Variants in LIMS1 observed in about 807,000 individuals in gnomAD.
The protein encoded by LIMS1 is LIM zinc finger domain containing 1.
A neutral mutation model predicts 44.1 loss-of-function variants in LIMS1; 18 were observed. The ratio of observed to expected loss-of-function variants is 0.41; its 90% CI spans 0.28 to 0.61. The LOEUF is 0.61. Ranked by LOEUF, LIMS1 falls within the 20% of genes least tolerant of loss-of-function variation. The probability of loss-of-function intolerance (pLI) is 0.32; values close to 1 mark genes in which losing one functional copy is unlikely to be tolerated. For synonymous variants in LIMS1, 93 were observed against 149.1 expected (o/e 0.62, Z 2.74); for missense variants, 201 against 422.0 (o/e 0.48, Z 4.59).
chr2:108,644,771 C>A (rs111716019), intron 1 of LIMS1, among the ~76,000 whole-genome samples: 11,134 of 151,868 alleles, frequency 0.073, 507 homozygotes, highest in Non-Finnish European at 0.078. Flanking sequence ...AGATGAATTG[C>A]TAACTAGAAT....
At chr2:108,677,288 A>G (rs547550432) in intron 7 of LIMS1, 3 of 152,572 alleles carry the variant, frequency 2.0e-5, no homozygotes, top group African/African-American at 7.2e-5. Context: ...CCCCTTTTTA[A>G]TAGACTACTT....
intron 9 of LIMS1, among the ~76,000 whole-genome samples, chr2:108,682,190 A>G (rs1003953738): frequency 6.6e-6 from 1 of 152,086 alleles, no homozygotes; most frequent in Non-Finnish European, 1.5e-5. Flanking sequence ...GTTTCCTTCT[A>G]TAAAGAGGAA....
At chr2:108,596,717 G>GGA (rs1171301712) in intron 1 of LIMS1, among the ~76,000 whole-genome samples, 1 of 152,224 alleles carries the variant, frequency 6.6e-6, no homozygotes, top group African/African-American at 2.4e-5. Context: ...CAGCTACTCA[G>GGA]GAGGCTGAAG....
chr2:108,619,304 G>T lies in LIMS1; in HGVS notation c.33-40301G>T, dbSNP rs372462777. ...TTGATTTGTGTTTTATTCATTAGGC[G>T]TCTATTCTGTGTTGATGGTGGGGGA... On this transcript the variant is annotated intron_variant, in intron 1 of 9. Coordinates refer to ENST00000544547, the Ensembl canonical transcript of LIMS1. 7.3e-5 allele frequency among the ~76,000 whole-genome samples: 11 copies of T among 151,218 alleles called. 1 individual carries two copies. In the East Asian group the frequency reaches 1.5e-3, roughly 21 times the overall value.
rs1459762323 is a variant in LIMS1 at position 108,596,923 on chromosome 2, T to G, written c.32+62329T>G. ...TTCCCTACGAAACATCTGTTTTTTT[T>G]TTTTTTTTTTTTTTTGAGTCTTGCT... On this transcript the variant is annotated intron_variant, in intron 1 of 9. Transcript: ENST00000544547. 2.8e-5 allele frequency among the ~76,000 whole-genome samples: 4 copies of G among 140,780 alleles called. 1 individual carries two copies. Among genetic ancestry groups the G allele is most frequent in the African/African-American group, 1.1e-4 (4 of 37,882 alleles). 92.4% of individuals were successfully genotyped at this position (140,780 alleles called of 152,430 possible). A position where few individuals can be genotyped will look rare whatever the true frequency, so the allele number is the denominator to read the frequency against.
intron 1 of LIMS1, among the ~76,000 whole-genome samples, chr2:108,592,888 C>A (rs1686479540): frequency 6.6e-6 from 1 of 152,100 alleles, no homozygotes; most frequent in Non-Finnish European, 1.5e-5. Context: ...AAATGTTCCC[C>A]TTTTTATTGT....
At chr2:108,557,836 AAAGATTT>A (rs1359226274) in intron 1 of LIMS1, among the ~76,000 whole-genome samples, 2 of 152,210 alleles carry the variant, frequency 1.3e-5, no homozygotes, top group African/African-American at 2.4e-5. Context: ...GTAAAGTTTC[AAAGATTT>A]AAGTGAACAT....
intron 1 of LIMS1, among the ~76,000 whole-genome samples, chr2:108,599,219 T>C (rs1038952305): frequency 3.3e-5 from 5 of 152,184 alleles, no homozygotes; most frequent in African/African-American, 9.7e-5. Context: ...GGTAATCATC[T>C]TTCTACTCTC....
chr2:108,649,833 G>A (rs1340704843), intron 1 of LIMS1, among the ~76,000 whole-genome samples: 1 of 152,140 alleles, frequency 6.6e-6, no homozygotes, highest in East Asian at 1.9e-4. Context: ...TGGGGGATAG[G>A]GGAGGGATAG....
intron 1 of LIMS1, chr2:108,655,336 C>T: frequency 1.9e-6 from 1 of 522,648 alleles, no homozygotes; most frequent in South Asian, 2.1e-5. Flanking sequence ...CCTGAGCTGG[C>T]CCATACAATT....
chr2:108,597,824 C>G lies in LIMS1; in HGVS notation c.33-61781C>G, dbSNP rs199608533. On this transcript the variant is annotated intron_variant, in intron 1 of 9. Coordinates refer to ENST00000544547, the Ensembl canonical transcript of LIMS1. Reference sequence around the variant, plus strand: ...TCTCCTGCCTCAGCCTCCCGAATAGCTGGGATTACAGGCGCCCGCTGCCAC... The same window carrying G: ...TCTCCTGCCTCAGCCTCCCGAATAGGTGGGATTACAGGCGCCCGCTGCCAC... Among the ~76,000 whole-genome samples, 8 of 151,520 alleles carry G rather than the reference C, an allele frequency of 5.3e-5. No individual in the cohort carries two copies. In the East Asian group the frequency reaches 1.2e-3, roughly 22 times the overall value.
At chr2:108,592,257 A>G (rs1470678030) in intron 1 of LIMS1, among the ~76,000 whole-genome samples, 1 of 152,170 alleles carries the variant, frequency 6.6e-6, no homozygotes, top group East Asian at 1.9e-4. Flanking sequence ...GCAGTTTGTC[A>G]GAACAGTTAC....
intron 2 of LIMS1, chr2:108,662,909 A>G (rs1432714653): frequency 2.1e-5 from 5 of 242,584 alleles, no homozygotes; most frequent in Middle Eastern, 2.2e-3. Context: ...AGACTTAGAA[A>G]TGGGGTCTGT....
intron 1 of LIMS1, chr2:108,659,075 A>G: frequency 2.6e-6 from 2 of 767,770 alleles, no homozygotes; most frequent in African/African-American, 3.8e-5. Context: ...GGACTGGGGC[A>G]TCTTGGCTGG....
chr2:108,585,724 G>A (rs1224967076), intron 1 of LIMS1, among the ~76,000 whole-genome samples: 1 of 152,116 alleles, frequency 6.6e-6, no homozygotes, highest in African/African-American at 2.4e-5. Flanking sequence ...AAGTACGGTG[G>A]TCTGGAAGCC....
intron 1 of LIMS1, among the ~76,000 whole-genome samples, chr2:108,568,900 C>CT (rs956908421): frequency 2.7e-5 from 4 of 150,886 alleles, no homozygotes; most frequent in Admixed American, 6.6e-5. Flanking sequence ...TGGCGTTGTT[C>CT]TTTTTTTTTG....
At chr2:108,577,594 T>G (rs914359933) in intron 1 of LIMS1, among the ~76,000 whole-genome samples, 1 of 152,232 alleles carries the variant, frequency 6.6e-6, no homozygotes, top group African/African-American at 2.4e-5. Context: ...TAAGGGTAGG[T>G]TAACACTTGC....
chr2:108,596,020 G>C (rs531652417), intron 1 of LIMS1, among the ~76,000 whole-genome samples: 1 of 152,120 alleles, frequency 6.6e-6, no homozygotes, highest in African/African-American at 2.4e-5. Context: ...AGTAAGGGAC[G>C]ATCTCCTAGT....
At chr2:108,632,476 G>A (rs1283240173) in intron 1 of LIMS1, among the ~76,000 whole-genome samples, 2 of 152,154 alleles carry the variant, frequency 1.3e-5, no homozygotes, top group East Asian at 3.9e-4. Flanking sequence ...CAGGCAACGC[G>A]CATTCTCAGA....
Sources: gnomAD v4.1 joint callset for allele counts (sites outside exome capture counted in the v4.1 genomes callset) on GRCh38, gnomAD v4.1.1 for gene constraint, MANE v1.5 for transcripts, NCBI Gene and HGNC (gene_info 2026-07-23, HGNC 2026-07-21) for gene names.